Variants in PRKD3 observed in about 807,000 individuals in gnomAD.
The protein encoded by PRKD3 is protein kinase D3.
A neutral mutation model predicts 99.2 loss-of-function variants in PRKD3; 47 were observed. That is an observed-to-expected ratio of 0.47 (90% CI 0.38 to 0.60). The LOEUF is 0.60. Ranked by LOEUF, PRKD3 falls within the 20% of genes least tolerant of loss-of-function variation. The probability of loss-of-function intolerance (pLI) is 0.00; values close to 1 mark genes in which losing one functional copy is unlikely to be tolerated. For synonymous variants in PRKD3, 392 were observed against 355.4 expected, an observed-to-expected ratio of 1.10 and a Z score of -1.16; for missense variants, 1,019 against 1,088.4, an observed-to-expected ratio of 0.94 and a Z score of 0.90.
At chr2:37,314,852 A>G (rs530832062) in intron 2 of PRKD3, among the ~76,000 whole-genome samples, 5 of 152,310 alleles carry the variant, frequency 3.3e-5, no homozygotes, top group African/African-American at 1.2e-4. Context: ...AAGGGAAACT[A>G]AAAGCAAAGC....
intron 2 of PRKD3, among the ~76,000 whole-genome samples, chr2:37,293,479 A>G (rs1023887766): frequency 1.3e-5 from 2 of 152,230 alleles, no homozygotes; most frequent in East Asian, 1.9e-4. Context: ...AAACTTACAA[A>G]TAAATAATCA....
intron 2 of PRKD3, among the ~76,000 whole-genome samples, chr2:37,306,541 G>A (rs1444449545): frequency 6.6e-6 from 1 of 152,158 alleles, no homozygotes; most frequent in East Asian, 1.9e-4. Context: ...AGGTGTGGTG[G>A]CTCACACATG....
chr2:37,291,169 C>A (rs1325597099), intron 3 of PRKD3, among the ~76,000 whole-genome samples, 170 bp from the exon 4 acceptor site: 1 of 152,182 alleles, frequency 6.6e-6, no homozygotes, highest in African/African-American at 2.4e-5. Context: ...TCTAGTTTAG[C>A]AAGTCCATTT....
chr2:37,286,482 A>C, intron 5 of PRKD3, 113 bp from the exon 6 acceptor site: 1 of 871,896 alleles, frequency 1.1e-6, no homozygotes. Flanking sequence ...AAAAACTCTA[A>C]AAATGTTGTT....
intron 2 of PRKD3, among the ~76,000 whole-genome samples, chr2:37,298,157 T>C (rs1385259414): frequency 6.6e-6 from 1 of 152,216 alleles, no homozygotes; most frequent in African/African-American, 2.4e-5. Context: ...TATTTTTGAA[T>C]AGGCAATTAT....
chr2:37,306,332 G>C (rs1322320698), intron 2 of PRKD3, among the ~76,000 whole-genome samples: 1 of 152,146 alleles, frequency 6.6e-6, no homozygotes, highest in Admixed American at 6.6e-5. Context: ...AGTACCATTA[G>C]TTCTTCGGGT....
At chr2:37,308,538 T>TC (rs1166547618) in intron 2 of PRKD3, among the ~76,000 whole-genome samples, 1,325 of 19,072 alleles carry the variant, frequency 0.069, 6 homozygotes, top group Middle Eastern at 0.19. Flanking sequence ...CCCACCTCCC[T>TC]CCCCACCCAG....
chr2:37,316,735 C>G lies in PRKD3; in HGVS notation c.-211G>C. On this transcript the variant is annotated 5_prime_UTR_variant, in exon 2 of 19. Transcript: ENST00000234179. ...AGGTCCTATTTCTCTTAATATCAGTCCCATCAAAAAGCAGTCTTGTCTGTA... is the reference window on the plus strand; with the variant it reads ...AGGTCCTATTTCTCTTAATATCAGTGCCATCAAAAAGCAGTCTTGTCTGTA... The G allele has an allele frequency of 7.2e-7, 1 of 1,393,266 alleles. No homozygotes were observed. Among genetic ancestry groups the G allele is most frequent in the Non-Finnish European group, 9.3e-7 (1 of 1,079,216 alleles). 86.3% of individuals were successfully genotyped at this position (1,393,266 alleles called of 1,614,324 possible). A position where few individuals can be genotyped will look rare whatever the true frequency, so the allele number is the denominator to read the frequency against.
chr2:37,260,951 T>C, intron 14 of PRKD3, among the ~76,000 whole-genome samples: 1 of 152,232 alleles, frequency 6.6e-6, no homozygotes, highest in South Asian at 2.1e-4. Flanking sequence ...AATGCCATAC[T>C]ATTTATGCTT....
rs373705263 is a variant in PRKD3 at position 37,251,645 on chromosome 2, TG to T, written c.*1531del. 11 of 151,916 alleles carry T rather than the reference TG, an allele frequency of 7.2e-5. No homozygotes were observed. The South Asian group carries it at 2.3e-3, about 32-fold the overall frequency. 9.4% of individuals were successfully genotyped at this position (151,916 alleles called of 1,614,324 possible). ...TTTTTTTTTGCTACCTCAAATTCGG[TG>T]GGCAACGATAGTTAACACTTTCCTA... On this transcript the variant is annotated 3_prime_UTR_variant, in exon 19 of 19. Transcript: ENST00000234179.
At position 37,252,958 on chromosome 2, in the gene PRKD3, T is replaced by C. The variant is rs1667632460; in HGVS notation, c.*219A>G. ...CCAGTTATTGCTTAGGCTAAAAAAG[T>C]TTATAAAAAGCTTCACCTTGATTCC... On this transcript the variant is annotated 3_prime_UTR_variant, in exon 19 of 19. Coordinates refer to ENST00000234179, the MANE Select transcript of PRKD3 (RefSeq NM_005813.6). 1.0e-5 allele frequency: 4 copies of C among 386,458 alleles called. No individual in the cohort carries two copies. The highest frequency in any genetic ancestry group is 1.8e-5 in the Non-Finnish European group (4 of 225,132). The allele number at this position is 386,458 out of a possible 1,614,324, so 23.9% of individuals were successfully genotyped here. A position where few individuals can be genotyped will look rare whatever the true frequency, so the allele number is the denominator to read the frequency against.
At chr2:37,286,888 T>C (rs1029656022) in intron 5 of PRKD3, among the ~76,000 whole-genome samples, 5 of 152,128 alleles carry the variant, frequency 3.3e-5, no homozygotes, top group African/African-American at 9.7e-5. Flanking sequence ...AAGTAAACTT[T>C]GTTTACCCAT....
intron 14 of PRKD3, among the ~76,000 whole-genome samples, chr2:37,263,616 C>T (rs929940110): frequency 2.0e-5 from 3 of 152,088 alleles, no homozygotes; most frequent in Non-Finnish European, 4.4e-5. Flanking sequence ...GGCCTTCTTT[C>T]ATTTCATTTA....
Position 37,282,631 on chromosome 2 carries a change from A to T in PRKD3, c.911-12T>A, listed in dbSNP as rs898428597. The T allele has an allele frequency of 6.5e-6, 10 of 1,542,668 alleles. No individual in the cohort carries two copies. The African/African-American group carries it at 6.8e-5, about 11-fold the overall frequency. On this transcript the variant is annotated splice_polypyrimidine_tract_variant and intron_variant, in intron 6 of 18. Transcript: ENST00000234179. The stretch of plus-strand genomic sequence containing the variant: ...GTTGAATTTGCAATCTAAAATGAAA[A>T]TATTCAGCATATTAATTTATGTAAA...
rs1667476881 is a variant in PRKD3, at chr2:37,251,359, C to CA, written c.*1817dup. 6.6e-6 allele frequency: 1 copy of CA among 152,514 alleles called. No homozygotes were observed. Among genetic ancestry groups the CA allele is most frequent in the Non-Finnish European group, 1.5e-5 (1 of 68,010 alleles). The allele number at this position is 152,514 out of a possible 1,614,324, so 9.4% of individuals were successfully genotyped here. ...AAGATTAGAGCCATACTACTGGTCT[C>CA]AAATACTACTAACTGTTTGAAATTT... is the stretch of plus-strand genomic sequence containing the variant. On this transcript the variant is annotated 3_prime_UTR_variant, in exon 19 of 19. Transcript: ENST00000234179.
chr2:37,321,666 G>A (rs1671889905), intron 1 of PRKD3, among the ~76,000 whole-genome samples: 4 of 152,222 alleles, frequency 2.6e-5, no homozygotes. Context: ...TTCAAAGTGT[G>A]ATGTGAGACA....
rs549477936 is a variant in PRKD3, at chr2:37,310,991, C to A, written c.288+5246G>T. Among the ~76,000 whole-genome samples the A allele has an allele frequency of 3.3e-5, 5 of 152,256 alleles. No homozygotes were observed. The South Asian group carries it at 1.0e-3, about 32-fold the overall frequency. ...GAATTTCTTGAATAACTAATTCTAA[C>A]ACAAATAAAATTTAGAGCACCACTA... On this transcript the variant is annotated intron_variant, in intron 2 of 18. Coordinates refer to ENST00000234179, the MANE Select transcript of PRKD3 (RefSeq NM_005813.6).
rs1410903648 is a variant in PRKD3, at chr2:37,316,861, CTGTACT to C, written c.-343_-338del. 1.2e-5 allele frequency: 13 copies of C among 1,052,224 alleles called. No individual in the cohort carries two copies. Among genetic ancestry groups the C allele is most frequent in the Non-Finnish European group, 1.5e-5 (13 of 873,138 alleles). 65.2% of individuals were successfully genotyped at this position (1,052,224 alleles called of 1,614,324 possible). A position where few individuals can be genotyped will look rare whatever the true frequency, so the allele number is the denominator to read the frequency against. On this transcript the variant is annotated 5_prime_UTR_variant, in exon 2 of 19. Coordinates refer to ENST00000234179, the MANE Select transcript of PRKD3 (RefSeq NM_005813.6). Reference sequence around the variant, plus strand: ...TTTACGAATCTATTTTCCTTTCAGTCTGTACTTGTCTCTTTAATTTCAGGAAATACA... The same window carrying C: ...TTTACGAATCTATTTTCCTTTCAGTCTGTCTCTTTAATTTCAGGAAATACA...
At chr2:37,268,184 C>T (rs1360523210) in intron 13 of PRKD3, 5 of 376,888 alleles carry the variant, frequency 1.3e-5, no homozygotes, top group Middle Eastern at 3.7e-4. Context: ...ATCTGACTTG[C>T]TCTTCTCTAC....
Sources: gnomAD v4.1 joint callset for allele counts (sites outside exome capture counted in the v4.1 genomes callset) on GRCh38, gnomAD v4.1.1 for gene constraint, MANE v1.5 for transcripts, NCBI Gene and HGNC (gene_info 2026-07-23, HGNC 2026-07-21) for gene names.